The following DBF4B variants were observed in gnomAD, a reference collection of about 807,000 sequenced individuals.
DBF4B encodes the protein DBF4B-CDC7 kinase regulatory subunit, also known as protein DBF4 homolog B.
Under a neutral mutation model 53.4 loss-of-function variants are expected in DBF4B, and 49 were observed. The observed-to-expected ratio is 0.92, with a 90% CI of 0.73 to 1.16. The LOEUF (loss-of-function observed/expected upper bound fraction) is 1.16, where lower values mean the gene tolerates loss of function less well. DBF4B is among the 50% of genes most tolerant of loss of function. DBF4B has a pLI of 0.00. For synonymous variants in DBF4B, 257 were observed against 288.7 expected, an observed-to-expected ratio of 0.89 and a Z score of 1.11; for missense variants, 692 against 775.0, an observed-to-expected ratio of 0.89 and a Z score of 1.27.
rs766097317 is a variant in DBF4B at position 44,734,138 on chromosome 17, A to G, written c.605A>G (p.Lys202Arg). 3 of 1,614,198 alleles carry G rather than the reference A, an allele frequency of 1.9e-6. No individual in the cohort carries two copies. In the South Asian group the frequency reaches 3.3e-5, roughly 18 times the overall value. Residue 202 changes from lysine to arginine, a missense_variant, in exon 7 of 14, where the codon AAA becomes AGA. This residue lies in a region of DBF4B where 597 missense variants were observed against 665.8 expected (regional missense o/e 0.90). Transcript: ENST00000315005. ...QQLSLASLCV[K>R]KQQPKKPEGT... ...CTGTCTCTTGCGTCTTTATGTGTGA[A>G]AAAACAACAGCCAAAGAAGCCAGAG...
intron 2 of DBF4B, 69 bp from the exon 3 acceptor site, chr17:44,722,811 G>T: frequency 1.3e-6 from 2 of 1,579,418 alleles, no homozygotes; most frequent in Non-Finnish European, 1.7e-6. Context: ...TGAGCTGTCA[G>T]TGAGGGCCAC....
At chr17:44,736,662 G>T (rs1261856876) in intron 7 of DBF4B, among the ~76,000 whole-genome samples, 168 bp from the exon 8 acceptor site, 1 of 152,108 alleles carries the variant, frequency 6.6e-6, no homozygotes, top group Non-Finnish European at 1.5e-5. Context: ...AGAGGGAGCC[G>T]TTGTGCCCAG....
At chr17:44,748,777 C>T (rs938398490) in intron 13 of DBF4B, 2 of 1,316,916 alleles carry the variant, frequency 1.5e-6, no homozygotes, top group African/African-American at 1.5e-5. Context: ...ATTTTTTGTC[C>T]CAATAGCCCC....
intron 1 of DBF4B, 88 bp from the exon 2 acceptor site, chr17:44,709,216 C>G: frequency 1.3e-6 from 2 of 1,542,732 alleles, no homozygotes; most frequent in Non-Finnish European, 1.8e-6. Flanking sequence ...CGTTTCTGTG[C>G]GCGTTTTGGG....
intron 2 of DBF4B, among the ~76,000 whole-genome samples, chr17:44,715,845 CAG>C (rs1973291893): frequency 1.2e-5 from 1 of 83,164 alleles, no homozygotes; most frequent in Admixed American, 2.0e-4. Context: ...TTTTTTGAGG[CAG>C]AGTCTTGCTC....
intron 10 of DBF4B, among the ~76,000 whole-genome samples, chr17:44,745,033 G>A (rs1976462416): frequency 6.6e-6 from 1 of 151,976 alleles, no homozygotes; most frequent in South Asian, 2.1e-4. Context: ...CCAGGCTCAG[G>A]CAATCCTCCC....
chr17:44,712,628 A>G (rs1256068758), intron 2 of DBF4B, among the ~76,000 whole-genome samples: 3 of 151,120 alleles, frequency 2.0e-5, no homozygotes, highest in Non-Finnish European at 4.4e-5. Flanking sequence ...TTTAGTAGAG[A>G]TGGGGTTTTA....
chr17:44,711,714 C>T (rs910082469), intron 2 of DBF4B, among the ~76,000 whole-genome samples: 5 of 151,766 alleles, frequency 3.3e-5, no homozygotes, highest in Admixed American at 1.3e-4. Flanking sequence ...TTTGGGAGGC[C>T]GAGGCAGGGG....
At chr17:44,711,852 C>T (rs1331288304) in intron 2 of DBF4B, among the ~76,000 whole-genome samples, 1 of 151,794 alleles carries the variant, frequency 6.6e-6, no homozygotes, top group Non-Finnish European at 1.5e-5. Context: ...AGGAGAATGG[C>T]GTGAACCCGG....
intron 2 of DBF4B, among the ~76,000 whole-genome samples, chr17:44,711,862 G>T (rs1972907493): frequency 6.6e-6 from 1 of 151,940 alleles, no homozygotes; most frequent in Non-Finnish European, 1.5e-5. Flanking sequence ...CGTGAACCCG[G>T]GAGGCGGAGC....
rs1390392900 is a variant in DBF4B, at chr17:44,709,386, T to C, written c.82+20T>C. On this transcript the variant is annotated intron_variant, in intron 2 of 13. Coordinates refer to ENST00000315005, the MANE Select transcript of DBF4B (RefSeq NM_145663.3). ...ACCTAGGTGGGTAACAGGACAGAAC[T>C]AGGGACGTGAGGTGAAAATTGCCCC... is the stretch of plus-strand genomic sequence containing the variant. 2.5e-6 allele frequency: 4 copies of C among 1,613,866 alleles called. No individual in the cohort carries two copies. The highest frequency in any genetic ancestry group is 4.5e-5 in the East Asian group (2 of 44,894).
intron 8 of DBF4B, among the ~76,000 whole-genome samples, chr17:44,737,791 A>G (rs1026558347): frequency 1.3e-5 from 2 of 152,160 alleles, no homozygotes; most frequent in Non-Finnish European, 2.9e-5. Context: ...TTCAGGAATC[A>G]GATTTTACCT....
chr17:44,730,236 A>C, intron 4 of DBF4B, 140 bp downstream of exon 4: 2 of 994,106 alleles, frequency 2.0e-6, no homozygotes, highest in East Asian at 2.6e-5. Context: ...AGAATATTTT[A>C]TCATAGCTCT....
At position 44,738,155 on chromosome 17, in the gene DBF4B, G is replaced by A. The variant is rs532490931; in HGVS notation, c.668-224G>A. On this transcript the variant is annotated intron_variant, in intron 8 of 13. Coordinates refer to ENST00000315005, the MANE Select transcript of DBF4B (RefSeq NM_145663.3). ...GAGGAAGGGCCCATCTAGGGCTTCA[G>A]TGTTAACTGCAGCCTATCCCCCCAC... 4.6e-5 allele frequency among the ~76,000 whole-genome samples: 7 copies of A among 152,366 alleles called. No individual in the cohort carries two copies. In the East Asian group the frequency reaches 1.3e-3, roughly 29 times the overall value.
chr17:44,749,378 C>CT lies in DBF4B; in HGVS notation c.1189+915dup. The CT allele has an allele frequency of 7.8e-7, 1 of 1,289,528 alleles. No individual in the cohort carries two copies. The highest frequency in any genetic ancestry group is 1.0e-6 in the Non-Finnish European group (1 of 988,870). The allele number at this position is 1,289,528 out of a possible 1,614,324, so 79.9% of individuals were successfully genotyped here. A position where few individuals can be genotyped will look rare whatever the true frequency, so the allele number is the denominator to read the frequency against. ...CCAGATTGAAGGGCCACAGATACAA[C>CT]TTACTCCTCTGCTGGGTGCTGCACA... On this transcript the variant is annotated intron_variant, in intron 13 of 13. Transcript: ENST00000315005. This position sits in a 1 kb window ranked among gnomAD's most constrained non-coding sequence, Gnocchi z 4.4.
At chr17:44,720,992 A>C (rs1445215455) in intron 2 of DBF4B, among the ~76,000 whole-genome samples, 4 of 151,764 alleles carry the variant, frequency 2.6e-5, no homozygotes, top group Non-Finnish European at 5.9e-5. Flanking sequence ...CAGCCTCCCG[A>C]GTAGCTGGGA....
intron 2 of DBF4B, among the ~76,000 whole-genome samples, chr17:44,711,834 G>A (rs557032471): frequency 2.7e-4 from 41 of 152,136 alleles, no homozygotes; most frequent in African/African-American, 9.1e-4. Flanking sequence ...TACTCGGGAG[G>A]CTGAGGCAGG....
In DBF4B at chr17:44,714,348, GT is replaced by G. The variant is rs1973150291; in HGVS notation, c.82+4983del. ...AATAAATAATACTTTTGAAAATGAA[GT>G]ATAAGTTTGGGGAGCCCCACAGCAA... is the stretch of plus-strand genomic sequence containing the variant. On this transcript the variant is annotated intron_variant, in intron 2 of 13. Coordinates refer to ENST00000315005, the MANE Select transcript of DBF4B (RefSeq NM_145663.3). 2.0e-5 allele frequency among the ~76,000 whole-genome samples: 3 copies of G among 152,222 alleles called. No homozygotes were observed. The South Asian group carries it at 6.2e-4, about 32-fold the overall frequency.
At chr17:44,729,683 TACACACAC>T (rs71361592) in intron 3 of DBF4B, among the ~76,000 whole-genome samples, 3,138 of 138,228 alleles carry the variant, frequency 0.023, 34 homozygotes, top group Non-Finnish European at 0.033. Flanking sequence ...GTAATACACA[TACACACAC>T]ACACACACAC....
Sources: gnomAD v4.1 joint callset for allele counts (sites outside exome capture counted in the v4.1 genomes callset) on GRCh38, gnomAD v4.1.1 for gene constraint, gnomAD v4.1.1 regional missense constraint, Gnocchi (gnomAD v3.1) non-coding constraint, MANE v1.5 for transcripts, NCBI Gene and HGNC (gene_info 2026-07-23, HGNC 2026-07-21) for gene names.